The following BAIAP2L1 variants were observed in gnomAD, a reference collection of about 807,000 sequenced individuals.
BAIAP2L1 encodes the protein BAR/IMD domain-containing adapter protein 2-like 1.
BAIAP2L1 carries 35 observed loss-of-function variants against 66.3 expected under a neutral mutation model. The ratio of observed to expected loss-of-function variants is 0.53; its 90% CI spans 0.40 to 0.70. The LOEUF (loss-of-function observed/expected upper bound fraction) is 0.70. Ranked by LOEUF, BAIAP2L1 falls within the 30% of genes least tolerant of loss-of-function variation. The pLI is 0.00. For missense variants in BAIAP2L1, 622 were observed against 656.9 expected, an observed-to-expected ratio of 0.95 and a Z score of 0.58; for synonymous variants, 269 against 248.7, an observed-to-expected ratio of 1.08 and a Z score of -0.77.
chr7:98,336,485 G>A (rs535686599), intron 3 of BAIAP2L1, among the ~76,000 whole-genome samples: 26 of 152,040 alleles, frequency 1.7e-4, no homozygotes, highest in Non-Finnish European at 2.8e-4. Flanking sequence ...GTGTGGTGGC[G>A]GATGGCTGTA....
At position 98,314,639 on chromosome 7, in the gene BAIAP2L1, C is replaced by CCA. The variant is rs532488849; in HGVS notation, c.639+819_639+820dup. Among the ~76,000 whole-genome samples the CCA allele has an allele frequency of 9.2e-4, 140 of 152,298 alleles. 2 individuals are homozygous for CCA. The highest frequency in any genetic ancestry group is 3.2e-3 in the African/African-American group (135 of 41,580). On this transcript the variant is annotated intron_variant, in intron 7 of 13. Transcript: ENST00000005260. ...CAGTTGAATAAACCAGGAACCAATA[C>CCA]CACCAAGAGGAATGAACGCATCACT...
At chr7:98,342,056 T>G (rs1309975400) in intron 3 of BAIAP2L1, among the ~76,000 whole-genome samples, 1 of 149,226 alleles carries the variant, frequency 6.7e-6, no homozygotes, top group Admixed American at 6.7e-5. Flanking sequence ...TTTTTTTTTT[T>G]TTTTTTTTTT....
intron 1 of BAIAP2L1, among the ~76,000 whole-genome samples, chr7:98,399,403 A>C (rs540439404): frequency 6.6e-6 from 1 of 152,364 alleles, no homozygotes; most frequent in African/African-American, 2.4e-5. Flanking sequence ...ATTCAACAAA[A>C]GTTAATAGAC....
chr7:98,365,163 A>ATT (rs375164193), intron 1 of BAIAP2L1, among the ~76,000 whole-genome samples: 1 of 151,032 alleles, frequency 6.6e-6, no homozygotes, highest in East Asian at 1.9e-4. Flanking sequence ...CTGTCCCAGC[A>ATT]TTTTTTTTGT....
chr7:98,388,972 T>TG (rs1802959225), intron 1 of BAIAP2L1, among the ~76,000 whole-genome samples: 1 of 110,514 alleles, frequency 9.0e-6, no homozygotes, highest in African/African-American at 2.9e-5. Context: ...CCTAAGAAAT[T>TG]AAAAAAAAAA....
chr7:98,308,043 T>C (rs1800727524), intron 9 of BAIAP2L1, 147 bp from the exon 10 acceptor site: 1 of 797,206 alleles, frequency 1.3e-6, no homozygotes, highest in Middle Eastern at 2.2e-4. Flanking sequence ...ATTTCCTCGC[T>C]TTGATCATTG....
chr7:98,377,174 T>C (rs1361830320), intron 1 of BAIAP2L1, among the ~76,000 whole-genome samples: 1 of 152,182 alleles, frequency 6.6e-6, no homozygotes, highest in Non-Finnish European at 1.5e-5. Context: ...TACATATACA[T>C]ACATATCCCA....
intron 3 of BAIAP2L1, among the ~76,000 whole-genome samples, chr7:98,329,533 A>T (rs147910819): frequency 1.8e-3 from 276 of 152,184 alleles, no homozygotes; most frequent in African/African-American, 6.3e-3. Context: ...CTTCTGGTAG[A>T]GGGGGTGGGA....
intron 1 of BAIAP2L1, among the ~76,000 whole-genome samples, chr7:98,363,263 GACCTCAGGTTATCCGCGT>G (rs2115730255): frequency 6.6e-6 from 1 of 152,056 alleles, no homozygotes; most frequent in East Asian, 1.9e-4. Flanking sequence ...TCGAACTCCT[GACCTCAGGTTATCCGCGT>G]ACCTTGGCCT....
chr7:98,344,113 G>A (rs1380236142), intron 3 of BAIAP2L1, among the ~76,000 whole-genome samples: 1 of 152,096 alleles, frequency 6.6e-6, no homozygotes, highest in East Asian at 1.9e-4. Flanking sequence ...GTAGGTGGAG[G>A]TTGCAGTGAG....
At position 98,386,647 on chromosome 7, in the gene BAIAP2L1, T is replaced by A. The variant is rs1802898819; in HGVS notation, c.51+14155A>T. ...TCTACAATGTTCTTTCCGAGAACTT[T>A]TTTTTGTCTCTCATCGACTTCTCTC... On this transcript the variant is annotated intron_variant, in intron 1 of 13. Coordinates refer to ENST00000005260, the MANE Select transcript of BAIAP2L1 (RefSeq NM_018842.5). 1.0e-5 allele frequency: 14 copies of A among 1,385,012 alleles called. No individual in the cohort carries two copies. In the South Asian group the frequency reaches 1.7e-4, roughly 17 times the overall value. 85.8% of individuals were successfully genotyped at this position (1,385,012 alleles called of 1,614,324 possible).
chr7:98,333,334 A>G (rs1320671394), intron 3 of BAIAP2L1, among the ~76,000 whole-genome samples: 1 of 152,132 alleles, frequency 6.6e-6, no homozygotes, highest in Non-Finnish European at 1.5e-5. Context: ...GCGGTGGCTC[A>G]CACCTATAAT....
intron 1 of BAIAP2L1, among the ~76,000 whole-genome samples, chr7:98,396,893 G>A (rs895888680): frequency 2.5e-4 from 38 of 152,170 alleles, no homozygotes; most frequent in African/African-American, 8.0e-4. Flanking sequence ...ATCGGAGGGC[G>A]CCAGGAGCCT....
chr7:98,316,270 T>C (rs886667091), intron 6 of BAIAP2L1, among the ~76,000 whole-genome samples: 2 of 152,148 alleles, frequency 1.3e-5, no homozygotes, highest in African/African-American at 4.8e-5. Flanking sequence ...CCATTAAATC[T>C]CTTTCTTTTG....
intron 3 of BAIAP2L1, among the ~76,000 whole-genome samples, chr7:98,343,248 TACACACACACAC>T (rs57033582): frequency 2.1e-4 from 27 of 128,592 alleles, no homozygotes; most frequent in Middle Eastern, 3.9e-3. Context: ...AAAAAAAAAA[TACACACACACAC>T]ACACACACAC....
rs1800544478 is a variant in BAIAP2L1, at chr7:98,304,256, A to G, written c.1362T>C (p.Asp454=). Residue 454 remains aspartate, a synonymous_variant, in exon 12 of 14, where the codon GAT becomes GAC. Coordinates refer to ENST00000005260, the MANE Select transcript of BAIAP2L1 (RefSeq NM_018842.5). ...TAAAGGTGGATGTCGTCCTGGCCGA[A>G]TCTGCTCTCCTGTCGGCAGCTGCCC... ...SMGAAADRRA[D]SARTTSTFKA... is the part of the protein sequence containing the mutation. The G allele has an allele frequency of 3.1e-6, 5 of 1,613,762 alleles. No homozygotes were observed. In the East Asian group the frequency reaches 1.1e-4, roughly 36 times the overall value.
chr7:98,348,197 A>G (rs577776601), intron 3 of BAIAP2L1, among the ~76,000 whole-genome samples: 1 of 152,310 alleles, frequency 6.6e-6, no homozygotes, highest in African/African-American at 2.4e-5. Context: ...AAAGAGAGTA[A>G]AGGAGAGACC....
chr7:98,348,378 G>A (rs1801922257), intron 3 of BAIAP2L1, among the ~76,000 whole-genome samples: 1 of 151,804 alleles, frequency 6.6e-6, no homozygotes, highest in Non-Finnish European at 1.5e-5. Flanking sequence ...ACCAGCCTGG[G>A]CAACATGACA....
chr7:98,310,183 G>T, intron 9 of BAIAP2L1: 1 of 406,204 alleles, frequency 2.5e-6, no homozygotes, highest in Non-Finnish European at 4.3e-6. Context: ...ATTCTCAACA[G>T]TATGTTTACT....
Sources: allele counts gnomAD v4.1 joint callset (sites outside exome capture counted in the v4.1 genomes callset), GRCh38; gene constraint gnomAD v4.1.1; transcripts MANE v1.5; gene names NCBI Gene and HGNC (gene_info 2026-07-23, HGNC 2026-07-21).